The following LPP variants were observed in gnomAD, a reference collection of about 807,000 sequenced individuals.
LPP encodes LIM domain containing preferred translocation partner in lipoma, also known as lipoma-preferred partner.
LPP carries 38 observed loss-of-function variants against 60.4 expected under a neutral mutation model. The observed-to-expected ratio is 0.63, with a 90% CI of 0.49 to 0.83. LPP has a LOEUF of 0.83. Ranked by LOEUF, LPP falls within the 40% of genes least tolerant of loss-of-function variation. The pLI is 0.00. For missense variants in LPP, 902 were observed against 783.6 expected, an observed-to-expected ratio of 1.15 and a Z score of -1.80; for synonymous variants, 328 against 290.8, an observed-to-expected ratio of 1.13 and a Z score of -1.30.
intron 4 of LPP, among the ~76,000 whole-genome samples, chr3:188,467,067 T>C (rs1298314780): frequency 6.6e-6 from 1 of 151,386 alleles, no homozygotes; most frequent in East Asian, 1.9e-4. Flanking sequence ...AGGCTCCTAA[T>C]CTTTTTGAGG....
intron 3 of LPP, among the ~76,000 whole-genome samples, chr3:188,359,533 G>A (rs1045959233): frequency 1.3e-5 from 2 of 152,184 alleles, no homozygotes; most frequent in African/African-American, 2.4e-5. Context: ...AAGGGGAAGA[G>A]AGGCAGTAAG....
chr3:188,809,348 GT>G (rs1463655460), intron 9 of LPP, among the ~76,000 whole-genome samples: 1 of 152,006 alleles, frequency 6.6e-6, no homozygotes, highest in East Asian at 1.9e-4. Flanking sequence ...AGCATATATT[GT>G]TTCTTGACTT....
At chr3:188,868,412 G>C (rs1391889249) in intron 10 of LPP, among the ~76,000 whole-genome samples, 1 of 152,034 alleles carries the variant, frequency 6.6e-6, no homozygotes, top group Non-Finnish European at 1.5e-5. Context: ...GGGTCTGAAA[G>C]CTCCCAAAAA....
intron 4 of LPP, among the ~76,000 whole-genome samples, chr3:188,463,111 A>G (rs1381194497): frequency 6.6e-6 from 1 of 152,156 alleles, no homozygotes; most frequent in African/African-American, 2.4e-5. Context: ...TCCAAAAACA[A>G]CAACAACAAA....
intron 7 of LPP, among the ~76,000 whole-genome samples, chr3:188,648,451 A>C (rs555359013): frequency 1.3e-5 from 2 of 152,250 alleles, no homozygotes; most frequent in East Asian, 3.9e-4. Context: ...ATTTCAGACA[A>C]TGAATACTCA....
At chr3:188,589,129 T>C (rs1158400787) in intron 6 of LPP, among the ~76,000 whole-genome samples, 1 of 151,994 alleles carries the variant, frequency 6.6e-6, no homozygotes, top group Non-Finnish European at 1.5e-5. Context: ...TTTATATCTA[T>C]ATACATATAT....
chr3:188,486,667 A>G (rs1806644127), intron 5 of LPP, among the ~76,000 whole-genome samples: 1 of 152,212 alleles, frequency 6.6e-6, no homozygotes, highest in East Asian at 1.9e-4. Context: ...TGTAACCAGT[A>G]AGTACCAATT....
chr3:188,317,619 T>G (rs1469334333), intron 2 of LPP, among the ~76,000 whole-genome samples: 4 of 152,234 alleles, frequency 2.6e-5, no homozygotes, highest in Admixed American at 2.6e-4. Context: ...TTTTCCATTA[T>G]TGCTGTCTTA....
At chr3:188,698,021 C>CT (rs1863643595) in intron 7 of LPP, among the ~76,000 whole-genome samples, 1 of 152,172 alleles carries the variant, frequency 6.6e-6, no homozygotes, top group Admixed American at 6.5e-5. Context: ...TCTGTGCCGT[C>CT]TTTTTGATAG....
chr3:188,881,273 C>T lies in LPP; in HGVS notation c.*6794C>T, dbSNP rs1468519644. ...GTAGTTGCGCTCACATACGTCTATT[C>T]TAGCTCTGTAGCTCCACAAAACAAG... On this transcript the variant is annotated 3_prime_UTR_variant, in exon 12 of 12. Transcript: ENST00000617246. 2 of 189,362 alleles carry T rather than the reference C, an allele frequency of 1.1e-5. No individual in the cohort carries two copies. The highest frequency in any genetic ancestry group is 8.3e-5 in the East Asian group (1 of 11,998). 11.7% of individuals were successfully genotyped at this position (189,362 alleles called of 1,614,324 possible). A position where few individuals can be genotyped will look rare whatever the true frequency, so the allele number is the denominator to read the frequency against.
intron 9 of LPP, among the ~76,000 whole-genome samples, chr3:188,839,871 C>G (rs545796309): frequency 6.6e-6 from 1 of 151,630 alleles, no homozygotes; most frequent in African/African-American, 2.4e-5. Context: ...AGTGAGACTC[C>G]GTCTCAAAAA....
chr3:188,561,253 G>A (rs1416393426), intron 6 of LPP, among the ~76,000 whole-genome samples: 1 of 151,982 alleles, frequency 6.6e-6, no homozygotes, highest in Non-Finnish European at 1.5e-5. Context: ...CATTGCCATT[G>A]GCTTCTGCAA....
intron 4 of LPP, among the ~76,000 whole-genome samples, chr3:188,407,768 G>GTTTTTTGTTTTTTTTTTTTTTTTTT (rs1280628245): frequency 1.6e-5 from 1 of 61,282 alleles, no homozygotes. Flanking sequence ...CTCATTTATG[G>GTTTTTTGTTTTTTTTTTTTTTTTTT]TTTTTTTTTT....
rs1022470480 is a variant in LPP at position 188,889,689 on chromosome 3, G to A, written c.*15210G>A. On this transcript the variant is annotated 3_prime_UTR_variant, in exon 12 of 12. Transcript: ENST00000617246. ...GCCACCATTCTCTTTTCCATATAAG[G>A]AGCCCCATTACATAAGCTACGGGTG... The A allele has an allele frequency of 4.5e-6, 1 of 222,488 alleles. No individual in the cohort carries two copies. Among genetic ancestry groups the A allele is most frequent in the East Asian group, 6.5e-5 (1 of 15,270 alleles). The allele number at this position is 222,488 out of a possible 1,614,324, so 13.8% of individuals were successfully genotyped here.
intron 8 of LPP, among the ~76,000 whole-genome samples, chr3:188,749,174 A>G (rs746327166): frequency 4.3e-4 from 65 of 152,186 alleles, no homozygotes; most frequent in Non-Finnish European, 7.8e-4. Flanking sequence ...GTTAGGTAGA[A>G]GGAGAAATTC....
intron 9 of LPP, among the ~76,000 whole-genome samples, chr3:188,861,565 ATATTCT>A (rs1384338869): frequency 6.6e-6 from 1 of 152,116 alleles, no homozygotes; most frequent in African/African-American, 2.4e-5. Context: ...AATAATGGTA[ATATTCT>A]TATTCTTTAT....
chr3:188,267,895 C>T (rs1207676937), intron 2 of LPP, among the ~76,000 whole-genome samples: 1 of 152,160 alleles, frequency 6.6e-6, no homozygotes, highest in Non-Finnish European at 1.5e-5. Context: ...CCAGGGCCAG[C>T]ACTTCGTTCT....
At chr3:188,809,766 C>T (rs984509678) in intron 9 of LPP, among the ~76,000 whole-genome samples, 3 of 152,066 alleles carry the variant, frequency 2.0e-5, no homozygotes, top group African/African-American at 7.2e-5. Context: ...ATGCCTATGT[C>T]CTGAATGGTA....
chr3:188,651,947 T>C (rs1255672179), intron 7 of LPP, among the ~76,000 whole-genome samples: 1 of 152,180 alleles, frequency 6.6e-6, no homozygotes, highest in Non-Finnish European at 1.5e-5. Context: ...TCCATTTTAT[T>C]AGTATTTCTT....
Sources: allele counts gnomAD v4.1 joint callset (sites outside exome capture counted in the v4.1 genomes callset), GRCh38; gene constraint gnomAD v4.1.1; transcripts MANE v1.5; gene names NCBI Gene and HGNC (gene_info 2026-07-23, HGNC 2026-07-21).